SMG6: variants seen among roughly 807,000 people sequenced by gnomAD.
SMG6 encodes SMG6 nonsense mediated mRNA decay factor.
SMG6 carries 66 observed loss-of-function variants against 142.2 expected under a neutral mutation model. That is an observed-to-expected ratio of 0.46 (90% confidence interval 0.38 to 0.57). SMG6 has a LOEUF of 0.57. SMG6 is among the 20% of genes least tolerant of loss of function. SMG6 has a pLI of 0.00. For synonymous variants in SMG6, 779 were observed against 702.4 expected (o/e 1.11, Z -1.72); for missense variants, 1,793 against 1,832.0 (o/e 0.98, Z 0.39).
chr17:2,092,027 C>A (rs1401777146), intron 13 of SMG6, among the ~76,000 whole-genome samples: 1 of 151,596 alleles, frequency 6.6e-6, no homozygotes, highest in Non-Finnish European at 1.5e-5. Flanking sequence ...CTCAGTCACC[C>A]AAGCTGGAGT....
chr17:2,303,159 TG>T (rs1428785225), intron 1 of SMG6: 1 of 985,260 alleles, frequency 1.0e-6, no homozygotes, highest in Non-Finnish European at 1.2e-6. Context: ...AAGCCTGTCT[TG>T]GGGGGGAAAA....
chr17:2,298,554 T>C (rs544806297), intron 2 of SMG6, among the ~76,000 whole-genome samples: 1 of 152,016 alleles, frequency 6.6e-6, no homozygotes, highest in South Asian at 2.1e-4. Context: ...TCCGTCTCTC[T>C]AAAAATACAA....
At chr17:2,125,745 G>T (rs1057496868) in intron 13 of SMG6, among the ~76,000 whole-genome samples, 30 of 152,166 alleles carry the variant, frequency 2.0e-4, no homozygotes, top group Non-Finnish European at 4.0e-4. Flanking sequence ...TTGAGGTCAG[G>T]AGTTGGAGAC....
At chr17:2,121,583 C>CTGTGTGTGTGTGTGTG (rs1173330822) in intron 13 of SMG6, among the ~76,000 whole-genome samples, 8 of 118,294 alleles carry the variant, frequency 6.8e-5, no homozygotes, top group African/African-American at 2.2e-4. Flanking sequence ...ATGTACATGT[C>CTGTGTGTGTGTGTGTG]TGTCTGTGTG....
intron 13 of SMG6, among the ~76,000 whole-genome samples, chr17:2,161,251 T>C (rs2151625283): frequency 6.6e-6 from 1 of 151,840 alleles, no homozygotes; most frequent in Non-Finnish European, 1.5e-5. Context: ...ATTACAGGCG[T>C]GCATCACCAA....
At position 2,300,055 on chromosome 17, in the gene SMG6, G is replaced by C; in HGVS notation, c.698C>G (p.Pro233Arg). The C allele has an allele frequency of 6.2e-7, 1 of 1,614,062 alleles. No individual in the cohort carries two copies. Among genetic ancestry groups the C allele is most frequent in the South Asian group, 1.1e-5 (1 of 91,078 alleles). The change falls in exon 2 of 19, where the codon CCA (proline) becomes CGA (arginine). Residue 233 changes from proline to arginine, a missense_variant. Physicochemically the swap from Pro to Arg is moderately radical, Grantham distance 103. This residue lies in a region of SMG6 where 1,597 missense variants were observed against 1,584.6 expected (regional missense o/e 1.01). Transcript: ENST00000263073. ...TGCGGAGCCCGGCCTCCCGCGGGCT[G>C]GGTCGTCGTGGGTTTCCCTCACCCC... ...GEGVRETHDD[P>R]ARGRPGSAKR...
At chr17:2,187,084 C>A (rs754562251) in intron 11 of SMG6, among the ~76,000 whole-genome samples, 13 of 152,246 alleles carry the variant, frequency 8.5e-5, no homozygotes, top group Non-Finnish European at 1.8e-4. Flanking sequence ...AGCCTCTACT[C>A]TGGCCTCTAG....
At chr17:2,268,450 G>A (rs2074471587) in intron 8 of SMG6, among the ~76,000 whole-genome samples, 1 of 152,150 alleles carries the variant, frequency 6.6e-6, no homozygotes, top group South Asian at 2.1e-4. Flanking sequence ...ACTACGCAAG[G>A]GGCACTGAAA....
At chr17:2,135,720 C>T (rs1018971967) in intron 13 of SMG6, among the ~76,000 whole-genome samples, 15 of 152,202 alleles carry the variant, frequency 9.9e-5, no homozygotes, top group Admixed American at 7.2e-4. Flanking sequence ...ACAGTGTTCT[C>T]ACTCTGTCAC....
chr17:2,193,423 GC>G (rs2072226604), intron 10 of SMG6, among the ~76,000 whole-genome samples: 1 of 152,152 alleles, frequency 6.6e-6, no homozygotes. Flanking sequence ...CTATAGCAAT[GC>G]AAGAACGGCC....
intron 14 of SMG6, 71 bp from the exon 15 acceptor site, chr17:2,082,027 A>G: frequency 6.4e-7 from 1 of 1,556,100 alleles, no homozygotes; most frequent in African/African-American, 1.4e-5. Flanking sequence ...ACTGAACCCA[A>G]CATTGCCCTT....
At chr17:2,186,946 G>C in intron 11 of SMG6, 115 bp from the exon 12 acceptor site, 2 of 1,124,724 alleles carry the variant, frequency 1.8e-6, no homozygotes. Flanking sequence ...CCACAGGAAA[G>C]ATAGGCCCAG....
At chr17:2,098,537 T>C (rs2068919890) in intron 13 of SMG6, among the ~76,000 whole-genome samples, 1 of 152,210 alleles carries the variant, frequency 6.6e-6, no homozygotes, top group African/African-American at 2.4e-5. Flanking sequence ...CATCTTGTCA[T>C]TTACTTCTCC....
intron 13 of SMG6, among the ~76,000 whole-genome samples, chr17:2,151,497 C>T (rs1454344601): frequency 6.6e-6 from 1 of 152,176 alleles, no homozygotes; most frequent in Non-Finnish European, 1.5e-5. Context: ...GTCAGAGAGC[C>T]TTCACCAGGC....
chr17:2,078,447 C>T (rs2068321115), intron 15 of SMG6, among the ~76,000 whole-genome samples: 1 of 151,168 alleles, frequency 6.6e-6, no homozygotes, highest in Non-Finnish European at 1.5e-5. Flanking sequence ...TCTCGGCTCA[C>T]TGCAACCTCC....
chr17:2,246,450 T>C (rs1044659540), intron 8 of SMG6, among the ~76,000 whole-genome samples: 1 of 152,240 alleles, frequency 6.6e-6, no homozygotes, highest in African/African-American at 2.4e-5. Flanking sequence ...CTATTTCATA[T>C]GGAAGCCAAG....
intron 15 of SMG6, among the ~76,000 whole-genome samples, chr17:2,070,689 C>T (rs778416552): frequency 2.6e-5 from 4 of 152,228 alleles, no homozygotes; most frequent in African/African-American, 9.6e-5. Context: ...GGTAAAGGCA[C>T]AGGCTACAGA....
rs771816387 is a variant in SMG6 at position 2,282,759 on chromosome 17, G to C, written c.2549C>G (p.Thr850Ser). The C allele has an allele frequency of 3.7e-6, 6 of 1,614,084 alleles. No individual in the cohort carries two copies. Among genetic ancestry groups the C allele is most frequent in the South Asian group, 2.2e-5 (2 of 91,088 alleles). ...KSTFRHVGDD[T>S]TRLEIWIHPS... ...ATGAATCCAGATCTCCAGGCGAGTG[G>C]TGTCATCTCCAACATGCCGGAAAGT... Residue 850 changes from threonine to serine, a missense_variant, in exon 8 of 19, where the codon ACC becomes AGC. Physicochemically the swap from Thr to Ser is moderately conservative, Grantham distance 58. Transcript: ENST00000263073.
chr17:2,243,139 C>T (rs1045818541), intron 9 of SMG6, among the ~76,000 whole-genome samples: 13 of 152,140 alleles, frequency 8.5e-5, no homozygotes, highest in Admixed American at 8.5e-4. Flanking sequence ...GTTATGTCTA[C>T]AGATAGAGAT....
Sources: gnomAD v4.1 joint callset for allele counts (sites outside exome capture counted in the v4.1 genomes callset) on GRCh38, gnomAD v4.1.1 for gene constraint, gnomAD v4.1.1 regional missense constraint, MANE v1.5 for transcripts, NCBI Gene and HGNC (gene_info 2026-07-23, HGNC 2026-07-21) for gene names.